The following SREBF2 variants were observed in gnomAD, a reference collection of about 807,000 sequenced individuals.
SREBF2 encodes the protein sterol regulatory element binding transcription factor 2.
A neutral mutation model predicts 113.1 loss-of-function variants in SREBF2; 55 were observed. The observed-to-expected ratio is 0.49, with a 90% CI of 0.39 to 0.61. The LOEUF is 0.61. SREBF2 is among the 20% of genes least tolerant of loss of function. SREBF2 has a pLI of 0.00. For synonymous variants in SREBF2, 593 were observed against 605.7 expected (o/e 0.98, Z 0.31); for missense variants, 1,349 against 1,487.4 (o/e 0.91, Z 1.53).
chr22:41,855,702 A>G (rs557586520), intron 1 of SREBF2, among the ~76,000 whole-genome samples: 1 of 152,286 alleles, frequency 6.6e-6, no homozygotes, highest in African/African-American at 2.4e-5. Context: ...TGATGGTTCC[A>G]TAGAGCATCA....
In SREBF2 at chr22:41,898,689, T is replaced by C. The variant is rs745661772; in HGVS notation, c.2646T>C (p.Thr882=). Residue 882 remains threonine (T), a synonymous_variant, in exon 15 of 19, where the codon ACT becomes ACC. Coordinates refer to ENST00000361204, the MANE Select transcript of SREBF2 (RefSeq NM_004599.4). ...IICRWWTSAI[T]VAISWLQGDD... is the part of the protein sequence containing the mutation. ...GTCGGTGGTGGACGTCTGCAATCACTGTGGCCATCAGCTGGCTCCAGGGAG... is the reference window on the plus strand; with the variant it reads ...GTCGGTGGTGGACGTCTGCAATCACCGTGGCCATCAGCTGGCTCCAGGGAG... 3.7e-6 allele frequency: 6 copies of C among 1,613,868 alleles called. No individual in the cohort carries two copies. Among genetic ancestry groups the C allele is most frequent in the Non-Finnish European group, 5.1e-6 (6 of 1,179,990 alleles).
intron 4 of SREBF2, among the ~76,000 whole-genome samples, chr22:41,871,625 C>T (rs903990517): frequency 6.6e-6 from 1 of 152,152 alleles, no homozygotes; most frequent in African/African-American, 2.4e-5. Flanking sequence ...GGCACGGTGG[C>T]TCACGCCTGT....
intron 3 of SREBF2, 52 bp downstream of exon 3, chr22:41,868,844 T>A (rs2077112601): frequency 1.3e-6 from 2 of 1,558,528 alleles, no homozygotes; most frequent in Non-Finnish European, 1.7e-6. Flanking sequence ...TGTTAACTGG[T>A]CCTTGGTTGA....
intron 5 of SREBF2, 118 bp downstream of exon 5, chr22:41,874,137 G>A: frequency 9.9e-7 from 1 of 1,011,260 alleles, no homozygotes; most frequent in Non-Finnish European, 1.5e-6. Context: ...CGAGTTAGAG[G>A]TGCTTTTTTA....
intron 9 of SREBF2, 43 bp from the exon 10 acceptor site, chr22:41,880,673 G>C: frequency 6.2e-7 from 1 of 1,613,708 alleles, no homozygotes; most frequent in Non-Finnish European, 8.5e-7. Context: ...ACAAAAAGCC[G>C]GAGCAAGGCC....
chr22:41,904,057 C>T (rs906666265), intron 17 of SREBF2, among the ~76,000 whole-genome samples: 4 of 152,172 alleles, frequency 2.6e-5, no homozygotes, highest in Non-Finnish European at 4.4e-5. Context: ...GCCTTTTTTT[C>T]ATAATAGATG....
At chr22:41,873,689 G>A in intron 4 of SREBF2, 109 bp from the exon 5 acceptor site, 1 of 1,089,878 alleles carries the variant, frequency 9.2e-7, no homozygotes, top group Non-Finnish European at 1.4e-6. Flanking sequence ...ACCTCATGAA[G>A]TACTGCCAGG....
Position 41,870,913 on chromosome 22 carries a change from A to C in SREBF2, c.745A>C (p.Lys249Gln). 6.2e-7 allele frequency: 1 copy of C among 1,614,126 alleles called. No homozygotes were observed. Among genetic ancestry groups the C allele is most frequent in the Non-Finnish European group, 8.5e-7 (1 of 1,180,030 alleles). ...GGTCCTGGTCCAGCCTCAGATCATC[A>C]AGACAGATTCCCTTGTTTTGACCAC... is the stretch of plus-strand genomic sequence containing the variant. The part of the protein sequence containing the change: ...VPVLVQPQII[K>Q]TDSLVLTTLK... The change falls in exon 4 of 19, where the codon AAG becomes CAG. Residue 249 changes from lysine (K) to glutamine (Q), a missense_variant. Coordinates refer to ENST00000361204, the MANE Select transcript of SREBF2 (RefSeq NM_004599.4).
At chr22:41,872,571 A>T (rs760192533) in intron 4 of SREBF2, among the ~76,000 whole-genome samples, 4 of 152,142 alleles carry the variant, frequency 2.6e-5, no homozygotes, top group Non-Finnish European at 4.4e-5. Flanking sequence ...GGCTGATTAG[A>T]TATTGAGGCC....
chr22:41,840,617 A>C (rs1459136185), intron 1 of SREBF2, among the ~76,000 whole-genome samples: 1 of 152,214 alleles, frequency 6.6e-6, no homozygotes, highest in Non-Finnish European at 1.5e-5. Flanking sequence ...TAGGTTGGAC[A>C]GAGTTTTATG....
chr22:41,893,969 T>C lies in SREBF2; in HGVS notation c.2377+684T>C, dbSNP rs182033781. On this transcript the variant is annotated intron_variant, in intron 12 of 18. Transcript: ENST00000361204. ...AAGGTTCTACAGGTATAGGGGTGTG[T>C]GTCACACATTGGGGGAGTTCACTGT... Among the ~76,000 whole-genome samples, 22 of 152,326 alleles carry C rather than the reference T, an allele frequency of 1.4e-4. No homozygotes were observed. In the East Asian group the frequency reaches 2.9e-3, roughly 20 times the overall value.
intron 15 of SREBF2, chr22:41,899,696 C>T: frequency 1.8e-6 from 1 of 565,670 alleles, no homozygotes; most frequent in Non-Finnish European, 2.3e-6. Flanking sequence ...TGTGTCTCCC[C>T]CAGTCGATGT....
chr22:41,870,002 C>T (rs915975437), intron 3 of SREBF2, among the ~76,000 whole-genome samples: 1 of 151,976 alleles, frequency 6.6e-6, no homozygotes, highest in Non-Finnish European at 1.5e-5. Flanking sequence ...ATTCCAGGCA[C>T]GCGCCATCAC....
At chr22:41,879,472 G>A (rs191438681) in intron 9 of SREBF2, among the ~76,000 whole-genome samples, 4 of 152,264 alleles carry the variant, frequency 2.6e-5, no homozygotes, top group Admixed American at 2.6e-4. Context: ...AGGGAGAATT[G>A]GACTGGGGAG....
chr22:41,902,468 G>A (rs903876599), intron 16 of SREBF2, among the ~76,000 whole-genome samples: 1 of 152,160 alleles, frequency 6.6e-6, no homozygotes, highest in Non-Finnish European at 1.5e-5. Flanking sequence ...CAAGCACTAA[G>A]GCACTCTGTG....
At chr22:41,884,721 T>C in intron 10 of SREBF2, 121 bp from the exon 11 acceptor site, 1 of 1,048,616 alleles carries the variant, frequency 9.5e-7, no homozygotes. Context: ...GCCTGTCTGA[T>C]CACAAAGTTC....
chr22:41,884,172 G>C (rs2077277267), intron 10 of SREBF2, among the ~76,000 whole-genome samples: 1 of 152,260 alleles, frequency 6.6e-6, no homozygotes, highest in African/African-American at 2.4e-5. Flanking sequence ...GTCTCGCTCT[G>C]TTGCCCAGGC....
At position 41,878,681 on chromosome 22, in the gene SREBF2, G is replaced by A. The variant is rs1226256628; in HGVS notation, c.1761+558G>A. The A allele has an allele frequency of 2.3e-6, 3 of 1,304,114 alleles. No homozygotes were observed. In the African/African-American group the frequency reaches 4.6e-5, roughly 20 times the overall value. 80.8% of individuals were successfully genotyped at this position (1,304,114 alleles called of 1,614,324 possible). A position where few individuals can be genotyped will look rare whatever the true frequency, so the allele number is the denominator to read the frequency against. The stretch of plus-strand genomic sequence containing the variant: ...CAGGGAGTTTACGGAAAAAAATCTG[G>A]GGCAACTCACAGCATTGAGGAAGAG... On this transcript the variant is annotated intron_variant, in intron 9 of 18. Transcript: ENST00000361204.
intron 1 of SREBF2, among the ~76,000 whole-genome samples, chr22:41,857,408 G>A (rs1407466778): frequency 6.6e-6 from 1 of 152,224 alleles, no homozygotes; most frequent in African/African-American, 2.4e-5. Flanking sequence ...GAGAGGCGGG[G>A]AGAGAGAGCA....
Sources: gnomAD v4.1 joint callset for allele counts (sites outside exome capture counted in the v4.1 genomes callset) on GRCh38, gnomAD v4.1.1 for gene constraint, MANE v1.5 for transcripts, NCBI Gene and HGNC (gene_info 2026-07-23, HGNC 2026-07-21) for gene names.